The following RAD51AP1 variants were observed in gnomAD, a reference collection of about 807,000 sequenced individuals.
RAD51AP1 encodes the protein RAD51-associated protein 1.
In RAD51AP1, 14 loss-of-function variants were observed where a neutral mutation model predicts 34.3. The ratio of observed to expected loss-of-function variants is 0.41; its 90% CI spans 0.27 to 0.64. The LOEUF (loss-of-function observed/expected upper bound fraction) is 0.64, where lower values mean the gene tolerates loss of function less well. RAD51AP1 is among the 30% of genes least tolerant of loss of function. The pLI is 0.33. For missense variants in RAD51AP1, 348 were observed against 386.9 expected, an observed-to-expected ratio of 0.90 and a Z score of 0.84; for synonymous variants, 114 against 129.8, an observed-to-expected ratio of 0.88 and a Z score of 0.83.
chr12:4,548,604 G>T, intron 5 of RAD51AP1, 83 bp from the exon 6 acceptor site: 4 of 1,449,780 alleles, frequency 2.8e-6, no homozygotes, highest in Non-Finnish European at 3.8e-6. Flanking sequence ...AAAAACAATA[G>T]CTGTAATAGA....
At position 4,558,960 on chromosome 12, in the gene RAD51AP1, T is replaced by TA; in HGVS notation, c.978dup (p.Pro327ThrfsTer8). On this transcript the variant is annotated frameshift_variant, in exon 9 of 9. Coordinates refer to ENST00000352618, the MANE Select transcript of RAD51AP1 (RefSeq NM_006479.5). LOFTEE classifies it high-confidence loss of function. Reference sequence around the variant, plus strand: ...TTGGCTTGTCCAGATTAGCACGAGTTAAACCTTTGCATCCAAATGCCACTA... The same window carrying TA: ...TTGGCTTGTCCAGATTAGCACGAGTTAAAACCTTTGCATCCAAATGCCACTA... 17 of 1,614,182 alleles carry TA rather than the reference T, an allele frequency of 1.1e-5. No homozygotes were observed. Among genetic ancestry groups the TA allele is most frequent in the Non-Finnish European group, 1.4e-5 (17 of 1,180,010 alleles).
At chr12:4,545,698 A>G in intron 3 of RAD51AP1, 4 of 1,451,414 alleles carry the variant, frequency 2.8e-6, no homozygotes, top group Non-Finnish European at 3.8e-6. Context: ...ACTTTTGAGC[A>G]GCTTGAATAG....
At chr12:4,554,784 G>T (rs1193220664) in intron 7 of RAD51AP1, among the ~76,000 whole-genome samples, 1 of 152,170 alleles carries the variant, frequency 6.6e-6, no homozygotes, top group Non-Finnish European at 1.5e-5. Context: ...TGCGAATTGT[G>T]TCTAGCACAT....
chr12:4,553,250 C>T (rs1944559464), intron 7 of RAD51AP1, 103 bp downstream of exon 7: 15 of 1,019,458 alleles, frequency 1.5e-5, no homozygotes, highest in Non-Finnish European at 5.5e-6. Context: ...ATTTTCCTAA[C>T]GTCCATTTCT....
intron 3 of RAD51AP1, among the ~76,000 whole-genome samples, chr12:4,544,175 T>C (rs1254774572): frequency 7.3e-6 from 1 of 137,338 alleles, no homozygotes; most frequent in Non-Finnish European, 1.7e-5. Context: ...CCAGCACTTA[T>C]CTCTGAATTC....
At chr12:4,550,255 C>A (rs7308142) in intron 6 of RAD51AP1, among the ~76,000 whole-genome samples, 146,768 of 152,340 alleles carry the variant, frequency 0.96, 70,727 homozygotes, top group East Asian at 1. Context: ...AAGCTTGTTA[C>A]ACAGAAATGT....
At chr12:4,552,375 G>A (rs1247003242) in intron 6 of RAD51AP1, among the ~76,000 whole-genome samples, 1 of 152,154 alleles carries the variant, frequency 6.6e-6, no homozygotes, top group African/African-American at 2.4e-5. Flanking sequence ...ACGAAGTGCA[G>A]AAAAGCATTT....
rs7315154 is a variant in RAD51AP1 at position 4,548,212 on chromosome 12, A to G, written c.406+34A>G. 5.0e-3 allele frequency: 7,979 copies of G among 1,580,632 alleles called. 351 individuals are homozygous for G. In the African/African-American group the frequency reaches 0.098, roughly 19 times the overall value. ...TTTATATTAATAATTTTTCTCATCA[A>G]CAATGCTGTTTCTCTGACTTTTGTT... On this transcript the variant is annotated intron_variant, in intron 5 of 8. Coordinates refer to ENST00000352618, the MANE Select transcript of RAD51AP1 (RefSeq NM_006479.5).
intron 8 of RAD51AP1, among the ~76,000 whole-genome samples, chr12:4,558,087 A>AC (rs1423566418): frequency 6.6e-6 from 1 of 152,064 alleles, no homozygotes; most frequent in African/African-American, 2.4e-5. Flanking sequence ...GGAGAAGACC[A>AC]CCAAGACCCC....
intron 7 of RAD51AP1, among the ~76,000 whole-genome samples, chr12:4,553,927 T>C (rs1419158367): frequency 6.6e-6 from 1 of 152,216 alleles, no homozygotes; most frequent in African/African-American, 2.4e-5. Flanking sequence ...TAGGAGCTGC[T>C]GTCACCTTCA....
At position 4,559,157 on chromosome 12, in the gene RAD51AP1, C is replaced by A; in HGVS notation, c.*164C>A. 1 of 728,418 alleles carries A rather than the reference C, an allele frequency of 1.4e-6. No individual in the cohort carries two copies. The highest frequency in any genetic ancestry group is 2.1e-6 in the Non-Finnish European group (1 of 470,628). The allele number at this position is 728,418 out of a possible 1,614,324, so 45.1% of individuals were successfully genotyped here. On this transcript the variant is annotated 3_prime_UTR_variant, in exon 9 of 9. Transcript: ENST00000352618. ...TTTTATGATTATGTTCTCTGTAAAA[C>A]TCTTCAAGACTTCAATGAGAAGTTT...
intron 7 of RAD51AP1, among the ~76,000 whole-genome samples, chr12:4,554,031 G>T (rs1944565344): frequency 1.3e-5 from 2 of 149,524 alleles, no homozygotes; most frequent in Non-Finnish European, 3.0e-5. Flanking sequence ...AATTAATGAG[G>T]TTTTTTAATT....
chr12:4,548,750 C>T lies in RAD51AP1; in HGVS notation c.470C>T (p.Ser157Phe), dbSNP rs1336707887. 1.2e-6 allele frequency: 2 copies of T among 1,614,008 alleles called. No homozygotes were observed. Among genetic ancestry groups the T allele is most frequent in the East Asian group, 2.2e-5 (1 of 44,874 alleles). The part of the protein sequence containing the change: ...GGVQGKRKAA[S>F]KAAAQQRKIL... ...GTTCAAGGGAAAAGAAAAGCAGCAT[C>T]TAAAGCTGCAGCACAGCAGAGGAAG... Residue 157 changes from serine to phenylalanine, a missense_variant, in exon 6 of 9, where the codon TCT becomes TTT. Transcript: ENST00000352618.
rs759831331 is a variant in RAD51AP1 at position 4,556,365 on chromosome 12, A to T, written c.734A>T (p.Asp245Val). The change falls in exon 8 of 9, where the codon GAC (aspartate) becomes GTC (valine). Residue 245 changes from aspartate to valine, a missense_variant. By Grantham distance (152) the Asp-to-Val change is radical. Transcript: ENST00000352618. ...SKCNALVTSVDSAPAAVKSES... is the reference protein window; with the variant it reads ...SKCNALVTSVVSAPAAVKSES... ...TTTTTCAAATAAGTGACTTCGGTGG[A>T]CTCTGCTCCAGCTGCCGTCAAATCA... The T allele has an allele frequency of 1.2e-6, 2 of 1,612,912 alleles. No homozygotes were observed. The highest frequency in any genetic ancestry group is 1.7e-6 in the Non-Finnish European group (2 of 1,179,342).
At chr12:4,555,864 TC>T (rs1415561247) in intron 7 of RAD51AP1, among the ~76,000 whole-genome samples, 1 of 152,192 alleles carries the variant, frequency 6.6e-6, no homozygotes, top group Non-Finnish European at 1.5e-5. Context: ...ATCTTTACTT[TC>T]CTGTTCTTCC....
At chr12:4,542,177 C>A (rs528543086) in intron 2 of RAD51AP1, among the ~76,000 whole-genome samples, 1 of 152,234 alleles carries the variant, frequency 6.6e-6, no homozygotes, top group African/African-American at 2.4e-5. Context: ...ACTCTAAAGT[C>A]CATAGTTGCA....
chr12:4,552,568 A>C lies in RAD51AP1; in HGVS notation c.557-415A>C, dbSNP rs1944553995. ...GAAAGACTAGCTATTGTCATACCCT[A>C]CCATTCTTTTCAAAAGTCACTGAGT... is the stretch of plus-strand genomic sequence containing the variant. On this transcript the variant is annotated intron_variant, in intron 6 of 8. Coordinates refer to ENST00000352618, the MANE Select transcript of RAD51AP1 (RefSeq NM_006479.5). Among the ~76,000 whole-genome samples, 6 of 152,210 alleles carry C rather than the reference A, an allele frequency of 3.9e-5. No homozygotes were observed. The South Asian group carries it at 1.2e-3, about 32-fold the overall frequency.
chr12:4,544,694 G>C (rs1305224409), intron 3 of RAD51AP1, among the ~76,000 whole-genome samples: 1 of 152,088 alleles, frequency 6.6e-6, no homozygotes, highest in Admixed American at 6.6e-5. Context: ...TAACTGATAA[G>C]GGACTGTATC....
intron 4 of RAD51AP1, among the ~76,000 whole-genome samples, chr12:4,547,500 A>G (rs1211050100): frequency 6.6e-6 from 1 of 152,236 alleles, no homozygotes; most frequent in Admixed American, 6.5e-5. Flanking sequence ...CTTTTAAGAC[A>G]TTGTAGAATG....
Sources: gnomAD v4.1 joint callset for allele counts (sites outside exome capture counted in the v4.1 genomes callset) on GRCh38, gnomAD v4.1.1 for gene constraint, MANE v1.5 for transcripts, NCBI Gene and HGNC (gene_info 2026-07-23, HGNC 2026-07-21) for gene names.